DNMT3L: variants seen among roughly 807,000 people sequenced by gnomAD.
DNMT3L encodes the protein DNA (cytosine-5)-methyltransferase 3-like.
A neutral mutation model predicts 36.2 loss-of-function variants in DNMT3L; 33 were observed. The ratio of observed to expected loss-of-function variants is 0.91; its 90% CI spans 0.69 to 1.22. The LOEUF is 1.22. DNMT3L is among the 50% of genes most tolerant of loss of function. The probability of loss-of-function intolerance (pLI) is 0.00; values close to 1 mark genes in which losing one functional copy is unlikely to be tolerated. For missense variants in DNMT3L, 310 were observed against 303.1 expected, an observed-to-expected ratio of 1.02 and a Z score of -0.17; for synonymous variants, 117 against 121.7, an observed-to-expected ratio of 0.96 and a Z score of 0.26.
At chr21:44,255,186 A>G (rs974882337) in intron 7 of DNMT3L, among the ~76,000 whole-genome samples, 1 of 152,180 alleles carries the variant, frequency 6.6e-6, no homozygotes, top group African/African-American at 2.4e-5. Flanking sequence ...TTTGTCTCAC[A>G]ACAAGCTAAA....
At chr21:44,255,765 A>G (rs1234353070) in intron 7 of DNMT3L, among the ~76,000 whole-genome samples, 1 of 152,210 alleles carries the variant, frequency 6.6e-6, no homozygotes, top group Non-Finnish European at 1.5e-5. Flanking sequence ...GTGCTCCCGC[A>G]TGAGGCCGCT....
Position 44,258,376 on chromosome 21 carries a change from C to A in DNMT3L, c.516+147G>T, listed in dbSNP as rs1442896739. 3.3e-6 allele frequency: 4 copies of A among 1,202,356 alleles called. No homozygotes were observed. In the East Asian group the frequency reaches 1.1e-4, roughly 33 times the overall value. 74.5% of individuals were successfully genotyped at this position (1,202,356 alleles called of 1,614,324 possible). On this transcript the variant is annotated intron_variant, in intron 6 of 11. Transcript: ENST00000628202. This position sits in a 1 kb window ranked among gnomAD's most constrained non-coding sequence, Gnocchi z 6.2. ...GCCACCATCGAGTGGAAGCCACTAT[C>A]GGAGAGGAACCCAGGAAAGAGTGTT...
Position 44,254,506 on chromosome 21 carries a change from C to T in DNMT3L, c.693+111G>A, listed in dbSNP as rs151053181. 304 of 1,259,086 alleles carry T rather than the reference C, an allele frequency of 2.4e-4. No individual in the cohort carries two copies. In the African/African-American group the frequency reaches 4.0e-3, roughly 17 times the overall value. The allele number at this position is 1,259,086 out of a possible 1,614,324, so 78.0% of individuals were successfully genotyped here. On this transcript the variant is annotated intron_variant, in intron 8 of 11. Coordinates refer to ENST00000628202, the MANE Select transcript of DNMT3L (RefSeq NM_175867.3). ...AGAGGCCCCCGTGTGTTCAGGACTC[C>T]TCCCAGCCCCTGCTGCCGCCTCCTT...
At position 44,258,722 on chromosome 21, in the gene DNMT3L, C is replaced by T. The variant is rs768245329; in HGVS notation, c.345-28G>A. 50 of 1,604,226 alleles carry T rather than the reference C, an allele frequency of 3.1e-5. No homozygotes were observed. The Admixed American group carries it at 6.5e-4, about 21-fold the overall frequency. On this transcript the variant is annotated intron_variant, in intron 5 of 11. Coordinates refer to ENST00000628202, the MANE Select transcript of DNMT3L (RefSeq NM_175867.3). The surrounding 1 kb of genome is among the most constrained non-coding windows in gnomAD (Gnocchi z 6.2). ...AAGGCCAGACAGAAAACCACAGCAG[C>T]GGACATGACAGCCCACCTCTCCTGA... is the stretch of plus-strand genomic sequence containing the variant.
chr21:44,258,107 TC>T lies in DNMT3L; in HGVS notation c.516+415del, dbSNP rs2040279290. Among the ~76,000 whole-genome samples the T allele has an allele frequency of 6.6e-6, 1 of 152,178 alleles. No individual in the cohort carries two copies. Among genetic ancestry groups the T allele is most frequent in the South Asian group, 2.1e-4 (1 of 4,828 alleles). ...CAGGTAAGGGATGGAGACTTGGATG[TC>T]CCTCTCAGAGGGACAAAATTCCACC... On this transcript the variant is annotated intron_variant, in intron 6 of 11. Coordinates refer to ENST00000628202, the MANE Select transcript of DNMT3L (RefSeq NM_175867.3). The surrounding 1 kb of genome is among the most constrained non-coding windows in gnomAD (Gnocchi z 6.2).
At position 44,254,605 on chromosome 21, in the gene DNMT3L, G is replaced by A. The variant is rs779949341; in HGVS notation, c.693+12C>T. The A allele has an allele frequency of 1.1e-5, 17 of 1,613,328 alleles. No individual in the cohort carries two copies. The African/African-American group carries it at 1.2e-4, about 11-fold the overall frequency. On this transcript the variant is annotated intron_variant, in intron 8 of 11. Transcript: ENST00000628202. Reference sequence around the variant, plus strand: ...CCCACTACAGTGTCTGAGAGTTCACGGCGGTACTCACATCCTTCCTCACTG... The same window carrying A: ...CCCACTACAGTGTCTGAGAGTTCACAGCGGTACTCACATCCTTCCTCACTG...
At chr21:44,255,599 G>A (rs528663630) in intron 7 of DNMT3L, among the ~76,000 whole-genome samples, 31 of 152,290 alleles carry the variant, frequency 2.0e-4, no homozygotes, top group East Asian at 1.3e-3. Context: ...GAGCAGTGGA[G>A]TCCACTCCAC....
intron 6 of DNMT3L, among the ~76,000 whole-genome samples, chr21:44,256,419 A>ATTCTTT (rs2040259801): frequency 9.6e-6 from 1 of 103,826 alleles, no homozygotes; most frequent in African/African-American, 4.0e-5. Context: ...GGGTTTGCTG[A>ATTCTTT]TTTTTTTTTT....
rs765158396 is a variant in DNMT3L, at chr21:44,260,888, T to G, written c.107-49A>C. On this transcript the variant is annotated intron_variant, in intron 2 of 11. Coordinates refer to ENST00000628202, the MANE Select transcript of DNMT3L (RefSeq NM_175867.3). ...CCCCTTTCTTCTTCCTCTGATCTCT[T>G]AATTTAAATTCGGCCAGGAAGTGAG... is the stretch of plus-strand genomic sequence containing the variant. The G allele has an allele frequency of 5.0e-6, 8 of 1,612,302 alleles. No homozygotes were observed. In the South Asian group the frequency reaches 8.8e-5, roughly 18 times the overall value.
intron 6 of DNMT3L, among the ~76,000 whole-genome samples, 193 bp from the exon 7 acceptor site, chr21:44,256,347 C>G (rs75546846): frequency 6.6e-6 from 1 of 151,820 alleles, no homozygotes; most frequent in Non-Finnish European, 1.5e-5. Flanking sequence ...AACTCCACCC[C>G]CTGCTCCAGC....
chr21:44,256,252 C>A, intron 6 of DNMT3L, 98 bp from the exon 7 acceptor site: 1 of 1,220,938 alleles, frequency 8.2e-7, no homozygotes, highest in South Asian at 1.3e-5. Flanking sequence ...AACACTCACT[C>A]GAGACTCACC....
Position 44,261,160 on chromosome 21 carries a change from C to T in DNMT3L, c.100G>A (p.Gly34Ser). 8 of 1,612,698 alleles carry T rather than the reference C, an allele frequency of 5.0e-6. No individual in the cohort carries two copies. The highest frequency in any genetic ancestry group is 5.9e-6 in the Non-Finnish European group (7 of 1,179,886). ...ELSSSVSPGTGRDLIAYEVKA... is the reference protein window; with the variant it reads ...ELSSSVSPGTSRDLIAYEVKA... Reference sequence around the variant, plus strand: ...TAAGCAGATGAGCCCTCACCTCTGCCTGTCCCGGGTGAAACGGAGCTTGAG... The same window carrying T: ...TAAGCAGATGAGCCCTCACCTCTGCTTGTCCCGGGTGAAACGGAGCTTGAG... The change falls in exon 2 of 12, where the codon GGC (glycine) becomes AGC (serine). Residue 34 changes from glycine to serine, a missense_variant. Transcript: ENST00000628202.
At position 44,261,227 on chromosome 21, in the gene DNMT3L, G is replaced by A. The variant is rs376271029; in HGVS notation, c.33C>T (p.Ala11=). 1.1e-5 allele frequency: 18 copies of A among 1,612,528 alleles called. No individual in the cohort carries two copies. Among genetic ancestry groups the A allele is most frequent in the African/African-American group, 8.0e-5 (6 of 74,910 alleles). MAAIPALDPE[A]EPSMDVILVG... is the part of the protein sequence containing the mutation. ...CCAAAATCACGTCCATGCTGGGCTC[G>A]GCCTCTGGGTCCAGGGCTGGGATGG... The change falls in exon 2 of 12, where the codon GCC becomes GCT. Residue 11 remains alanine (A), a synonymous_variant. Transcript: ENST00000628202.
intron 2 of DNMT3L, 116 bp from the exon 3 acceptor site, chr21:44,260,955 C>T: frequency 1.3e-6 from 2 of 1,501,990 alleles, no homozygotes; most frequent in South Asian, 1.2e-5. Context: ...CCTGAGGTCC[C>T]CTGCCATCCC....
In DNMT3L at chr21:44,257,668, G is replaced by A. The variant is rs144674336; in HGVS notation, c.516+855C>T. Among the ~76,000 whole-genome samples the A allele has an allele frequency of 3.6e-3, 477 of 132,956 alleles. 1 individual carries two copies. Among genetic ancestry groups the A allele is most frequent in the African/African-American group, 7.2e-3 (241 of 33,278 alleles). 87.2% of individuals were successfully genotyped at this position (132,956 alleles called of 152,430 possible). On this transcript the variant is annotated intron_variant, in intron 6 of 11. Transcript: ENST00000628202. ...TGCACTCCAGCCTGGGCGACAGAGCGAGACTCCGTCTCAAAAAAAAAAAAA... is the reference window on the plus strand; with the variant it reads ...TGCACTCCAGCCTGGGCGACAGAGCAAGACTCCGTCTCAAAAAAAAAAAAA...
chr21:44,256,419 AT>A lies in DNMT3L; in HGVS notation c.517-266del, dbSNP rs937821792. 5.8e-3 allele frequency among the ~76,000 whole-genome samples: 603 copies of A among 103,762 alleles called. 2 individuals are homozygous for A. Among genetic ancestry groups the A allele is most frequent in the African/African-American group, 0.012 (304 of 24,834 alleles). 68.1% of individuals were successfully genotyped at this position (103,762 alleles called of 152,430 possible). A position where few individuals can be genotyped will look rare whatever the true frequency, so the allele number is the denominator to read the frequency against. ...ACAGTAGGTGTGGAGGGGTTTGCTG[AT>A]TTTTTTTTTTTTTTTTTTTTTGAGA... On this transcript the variant is annotated intron_variant, in intron 6 of 11. Transcript: ENST00000628202.
rs779470389 is a variant in DNMT3L, at chr21:44,258,699, G to A, written c.345-5C>T. The A allele has an allele frequency of 1.2e-6, 2 of 1,611,260 alleles. No individual in the cohort carries two copies. Among genetic ancestry groups the A allele is most frequent in the Non-Finnish European group, 1.7e-6 (2 of 1,178,878 alleles). ...ACACACTCGAAGCAGTAGCATCTAA[G>A]GCCAGACAGAAAACCACAGCAGCGG... On this transcript the variant is annotated splice_polypyrimidine_tract_variant and splice_region_variant and intron_variant, in intron 5 of 11. Coordinates refer to ENST00000628202, the MANE Select transcript of DNMT3L (RefSeq NM_175867.3). This position sits in a 1 kb window ranked among gnomAD's most constrained non-coding sequence, Gnocchi z 6.2.
chr21:44,259,694 C>T lies in DNMT3L; in HGVS notation c.169G>A (p.Gly57Arg), dbSNP rs750208032. 47 of 1,611,936 alleles carry T rather than the reference C, an allele frequency of 2.9e-5. No homozygotes were observed. Among genetic ancestry groups the T allele is most frequent in the East Asian group, 6.7e-5 (3 of 44,876 alleles). The change falls in exon 4 of 12, where the codon GGA becomes AGA. Residue 57 changes from glycine to arginine, a missense_variant. Gly to Arg is a moderately radical substitution (Grantham distance 125, BLOSUM62 -2). Coordinates refer to ENST00000628202, the MANE Select transcript of DNMT3L (RefSeq NM_175867.3). ...RNIEDICICC[G>R]SLQVHTQHPL... The stretch of plus-strand genomic sequence containing the variant: ...TGCTGTGTGTGAACCTGGAGACTTC[C>T]GCAGCAGATGCAGATGTCTAAAGGA...
intron 6 of DNMT3L, among the ~76,000 whole-genome samples, chr21:44,257,650 C>T (rs2040271595): frequency 1.4e-5 from 2 of 144,426 alleles, no homozygotes; most frequent in South Asian, 4.4e-4. Context: ...CACTGCACTC[C>T]AGCCTGGGCG....
Sources: gnomAD v4.1 joint callset for allele counts (sites outside exome capture counted in the v4.1 genomes callset) on GRCh38, gnomAD v4.1.1 for gene constraint, Gnocchi (gnomAD v3.1) non-coding constraint, MANE v1.5 for transcripts, NCBI Gene and HGNC (gene_info 2026-07-23, HGNC 2026-07-21) for gene names.